NCKAP1: variants seen among roughly 807,000 people sequenced by gnomAD.
The protein encoded by NCKAP1 is nck-associated protein 1.
A neutral mutation model predicts 151.2 loss-of-function variants in NCKAP1; 21 were observed. That is an observed-to-expected ratio of 0.14 (90% CI 0.10 to 0.20). The LOEUF (loss-of-function observed/expected upper bound fraction) is 0.20. Ranked by LOEUF, NCKAP1 falls within the 10% of genes least tolerant of loss-of-function variation. The pLI is 1.00. For missense variants in NCKAP1, 933 were observed against 1,352.1 expected, an observed-to-expected ratio of 0.69 and a Z score of 4.86; for synonymous variants, 484 against 451.8, an observed-to-expected ratio of 1.07 and a Z score of -0.90.
intron 24 of NCKAP1, among the ~76,000 whole-genome samples, chr2:182,937,981 C>A (rs536584081): frequency 1.3e-5 from 2 of 152,202 alleles, no homozygotes; most frequent in African/African-American, 4.8e-5. Context: ...ATATTTAACA[C>A]AATGTTTCTA....
chr2:182,944,164 A>C (rs1697052248), intron 23 of NCKAP1, among the ~76,000 whole-genome samples: 1 of 152,194 alleles, frequency 6.6e-6, no homozygotes, highest in East Asian at 1.9e-4. Flanking sequence ...TTTGCTCTCT[A>C]TAAAGTTATT....
chr2:182,999,680 T>C (rs1301038758), intron 6 of NCKAP1, among the ~76,000 whole-genome samples: 1 of 152,166 alleles, frequency 6.6e-6, no homozygotes, highest in African/African-American at 2.4e-5. Context: ...TAAACTGTTC[T>C]ACCAAAAACA....
chr2:183,011,926 G>A (rs1042425709), intron 2 of NCKAP1, among the ~76,000 whole-genome samples: 2 of 152,260 alleles, frequency 1.3e-5, no homozygotes, highest in Non-Finnish European at 2.9e-5. Context: ...GGGAGAAGCT[G>A]AGAAAAACTA....
At chr2:182,996,756 G>A (rs113381019) in intron 6 of NCKAP1, among the ~76,000 whole-genome samples, 1 of 151,978 alleles carries the variant, frequency 6.6e-6, no homozygotes, top group African/African-American at 2.4e-5. Flanking sequence ...ACGCCTGGCT[G>A]TAAGAGTGAT....
Position 182,956,603 on chromosome 2 carries a change from A to G in NCKAP1, c.2022-10T>C. ...GTGCAATTTATCAAGGCTGAAAAAA[A>G]TTAATAAACAGTTAAAATGTTCACA... On this transcript the variant is annotated splice_polypyrimidine_tract_variant and intron_variant, in intron 19 of 30. Coordinates refer to ENST00000361354, the MANE Select transcript of NCKAP1 (RefSeq NM_013436.5). 1 of 1,595,268 alleles carries G rather than the reference A, an allele frequency of 6.3e-7. No homozygotes were observed. Among genetic ancestry groups the G allele is most frequent in the Non-Finnish European group, 8.5e-7 (1 of 1,173,742 alleles).
intron 27 of NCKAP1, among the ~76,000 whole-genome samples, chr2:182,929,531 C>T (rs572789570): frequency 6.6e-6 from 1 of 151,590 alleles, no homozygotes; most frequent in Non-Finnish European, 1.5e-5. Flanking sequence ...AAGACATAAC[C>T]CTTTCTAAAA....
intron 2 of NCKAP1, among the ~76,000 whole-genome samples, chr2:183,014,105 G>A (rs1278916350): frequency 6.6e-6 from 1 of 151,984 alleles, no homozygotes; most frequent in African/African-American, 2.4e-5. Flanking sequence ...ATTTATTTCT[G>A]TTCAACATAA....
intron 18 of NCKAP1, among the ~76,000 whole-genome samples, chr2:182,959,737 G>A (rs549352079): frequency 6.6e-6 from 1 of 152,260 alleles, no homozygotes; most frequent in African/African-American, 2.4e-5. Flanking sequence ...GTTCTGGCCA[G>A]GGCAATCAGG....
chr2:183,024,546 T>C (rs548277552), intron 1 of NCKAP1, among the ~76,000 whole-genome samples: 3 of 152,338 alleles, frequency 2.0e-5, no homozygotes, highest in African/African-American at 7.2e-5. Context: ...AATGGATATG[T>C]TTACGTTTTG....
At chr2:182,951,717 G>A (rs974622383) in intron 23 of NCKAP1, among the ~76,000 whole-genome samples, 1 of 150,570 alleles carries the variant, frequency 6.6e-6, no homozygotes, top group Non-Finnish European at 1.5e-5. Flanking sequence ...CGAAGAAAAT[G>A]TTTATTTTAA....
intron 1 of NCKAP1, among the ~76,000 whole-genome samples, chr2:183,028,853 C>T (rs1698949465): frequency 1.3e-5 from 2 of 152,080 alleles, no homozygotes; most frequent in Non-Finnish European, 2.9e-5. Context: ...GTGGCTCACG[C>T]CTGTAATCCC....
chr2:183,028,957 CA>C (rs10629607), intron 1 of NCKAP1, among the ~76,000 whole-genome samples: 4 of 144,328 alleles, frequency 2.8e-5, no homozygotes, highest in Non-Finnish European at 3.0e-5. Context: ...ACTAAAAATA[CA>C]AAAAAAAAAA....
At chr2:182,981,468 T>C (rs761662539) in intron 12 of NCKAP1, 92 bp from the exon 13 acceptor site, 8 of 1,028,288 alleles carry the variant, frequency 7.8e-6, no homozygotes, top group Non-Finnish European at 1.1e-5. Context: ...TCTAAAAGTA[T>C]TTTTCTTATA....
In NCKAP1 at chr2:182,953,304, A is replaced by G. The variant is rs757130731; in HGVS notation, c.2181T>C (p.Asn727=). The G allele has an allele frequency of 1.9e-6, 3 of 1,613,220 alleles. No individual in the cohort carries two copies. The highest frequency in any genetic ancestry group is 2.7e-5 in the African/African-American group (2 of 74,900). Residue 727 remains asparagine (N), a synonymous_variant, in exon 21 of 31, where the codon AAT becomes AAC. Coordinates refer to ENST00000361354, the MANE Select transcript of NCKAP1 (RefSeq NM_013436.5). ...GTTTTGCAATTTCCTGTGTGGCTTG[A>G]TTATACATAGTCATCCCAACAATTG... ...TKSIVGMTMY[N]QATQEIAKPS... is the part of the protein sequence containing the mutation.
intron 6 of NCKAP1, among the ~76,000 whole-genome samples, chr2:182,998,325 C>T (rs1698310882): frequency 6.6e-6 from 1 of 151,856 alleles, no homozygotes; most frequent in Non-Finnish European, 1.5e-5. Context: ...CAACATAGTA[C>T]TGAAAGTCCT....
At chr2:183,003,553 T>C (rs1698411975) in intron 2 of NCKAP1, among the ~76,000 whole-genome samples, 3 of 151,948 alleles carry the variant, frequency 2.0e-5, no homozygotes, top group Non-Finnish European at 2.9e-5. Flanking sequence ...TAGTACCAAA[T>C]TGCGCTACTA....
In NCKAP1 at chr2:182,915,248, T is replaced by A. The variant is rs2105787002; in HGVS notation, c.*10454A>T. Reference sequence around the variant, plus strand: ...ATTTCTCTAGACACCACACCTATTTTCCAACTGTAATATTCTGTATAGAAT... The same window carrying A: ...ATTTCTCTAGACACCACACCTATTTACCAACTGTAATATTCTGTATAGAAT... On this transcript the variant is annotated 3_prime_UTR_variant, in exon 31 of 31. Coordinates refer to ENST00000361354, the MANE Select transcript of NCKAP1 (RefSeq NM_013436.5). 1 of 152,348 alleles carries A rather than the reference T, an allele frequency of 6.6e-6. No homozygotes were observed. The highest frequency in any genetic ancestry group is 1.9e-4 in the East Asian group (1 of 5,186). 9.4% of individuals were successfully genotyped at this position (152,348 alleles called of 1,614,324 possible).
rs1696475605 is a variant in NCKAP1, at chr2:182,916,837, A to T, written c.*8865T>A. 1 of 152,224 alleles carries T rather than the reference A, an allele frequency of 6.6e-6. No homozygotes were observed. The highest frequency in any genetic ancestry group is 2.1e-4 in the South Asian group (1 of 4,832). The allele number at this position is 152,224 out of a possible 1,614,324, so 9.4% of individuals were successfully genotyped here. The stretch of plus-strand genomic sequence containing the variant: ...GAGCAGTCTTAAAATTAATTTTAGC[A>T]TCGTTTTCTGTTAAAGTTACATGAC... On this transcript the variant is annotated 3_prime_UTR_variant, in exon 31 of 31. Transcript: ENST00000361354.
chr2:183,025,157 G>A (rs548217277), intron 1 of NCKAP1, among the ~76,000 whole-genome samples: 7 of 152,204 alleles, frequency 4.6e-5, no homozygotes, highest in East Asian at 1.9e-4. Flanking sequence ...TCTAAGTAGC[G>A]AGTTTTAGTA....
Sources: allele counts gnomAD v4.1 joint callset (sites outside exome capture counted in the v4.1 genomes callset), GRCh38; gene constraint gnomAD v4.1.1; transcripts MANE v1.5; gene names NCBI Gene and HGNC (gene_info 2026-07-23, HGNC 2026-07-21).